Variants in SNX9 observed in about 807,000 individuals in gnomAD.
SNX9 encodes sorting nexin-9.
A neutral mutation model predicts 89.4 loss-of-function variants in SNX9; 44 were observed. That is an observed-to-expected ratio of 0.49 (90% CI 0.39 to 0.63). SNX9 has a LOEUF of 0.63. Among genes scored for constraint, SNX9 ranks in the 30% least tolerant of loss-of-function variants. The pLI, the probability that SNX9 is intolerant of heterozygous loss-of-function variation, is 0.00. For synonymous variants in SNX9, 236 were observed against 247.8 expected (o/e 0.95, Z 0.45); for missense variants, 578 against 736.1 (o/e 0.79, Z 2.49).
chr6:157,900,493 A>G (rs749294581), intron 5 of SNX9, among the ~76,000 whole-genome samples: 9 of 152,160 alleles, frequency 5.9e-5, no homozygotes, highest in Non-Finnish European at 1.0e-4. Context: ...AATAATAGAC[A>G]CACACAAGAT....
chr6:157,873,688 AT>A (rs1782464501), intron 3 of SNX9, among the ~76,000 whole-genome samples: 4 of 151,396 alleles, frequency 2.6e-5, no homozygotes. Context: ...CTTTGCTGAT[AT>A]TGCTGCCATC....
Position 157,929,315 on chromosome 6 carries a change from A to G in SNX9, c.1288+613A>G, listed in dbSNP as rs115084502. ...ACCACACATGTGGCCCAGGATAGAA[A>G]AATAGTCCCGTATCCAGCTGTAGGG... is the stretch of plus-strand genomic sequence containing the variant. On this transcript the variant is annotated intron_variant, in intron 12 of 17. Coordinates refer to ENST00000392185, the MANE Select transcript of SNX9 (RefSeq NM_016224.5). Among the ~76,000 whole-genome samples the G allele has an allele frequency of 3.2e-4, 48 of 152,316 alleles. 1 individual carries two copies. Among genetic ancestry groups the G allele is most frequent in the African/African-American group, 1.1e-3 (46 of 41,558 alleles).
In SNX9 at chr6:157,873,193, A is replaced by G; in HGVS notation, c.174+17A>G. 2 of 1,565,544 alleles carry G rather than the reference A, an allele frequency of 1.3e-6. No homozygotes were observed. The highest frequency in any genetic ancestry group is 1.7e-6 in the Non-Finnish European group (2 of 1,154,088). On this transcript the variant is annotated intron_variant, in intron 3 of 17. Coordinates refer to ENST00000392185, the MANE Select transcript of SNX9 (RefSeq NM_016224.5). ...TACGTTGAAGTAAGAGCTTCCTGTC[A>G]TTCATTCATTAGAGCTCATCTTTGC... is the stretch of plus-strand genomic sequence containing the variant.
At chr6:157,862,089 A>G (rs1367333279) in intron 1 of SNX9, among the ~76,000 whole-genome samples, 1 of 152,198 alleles carries the variant, frequency 6.6e-6, no homozygotes, top group Admixed American at 6.5e-5. Flanking sequence ...TAAATTGTTT[A>G]TTTCTGGAAT....
chr6:157,928,793 C>T (rs1783748811), intron 12 of SNX9, 91 bp downstream of exon 12: 15 of 964,220 alleles, frequency 1.6e-5, no homozygotes, highest in South Asian at 3.7e-5. Context: ...CCTGCTGCCT[C>T]GAACAGAAGT....
At chr6:157,851,168 G>C (rs1041378659) in intron 1 of SNX9, among the ~76,000 whole-genome samples, 28 of 151,438 alleles carry the variant, frequency 1.8e-4, no homozygotes, top group African/African-American at 6.5e-4. Context: ...TGAGGCAGGA[G>C]AATTGCCTGA....
In SNX9 at chr6:157,890,982, A is replaced by G. The variant is rs115936059; in HGVS notation, c.301-5845A>G. Among the ~76,000 whole-genome samples the G allele has an allele frequency of 4.4e-3, 667 of 150,502 alleles. 6 individuals are homozygous for G. The highest frequency in any genetic ancestry group is 0.016 in the African/African-American group (636 of 40,912). On this transcript the variant is annotated intron_variant, in intron 4 of 17. Transcript: ENST00000392185. ...TTCAGAACTCAGACACTGTTATTTTAAGGGTACTCATAGTGTCACATGCTA... is the reference window on the plus strand; with the variant it reads ...TTCAGAACTCAGACACTGTTATTTTGAGGGTACTCATAGTGTCACATGCTA...
intron 1 of SNX9, among the ~76,000 whole-genome samples, chr6:157,837,166 A>G (rs1199424710): frequency 6.6e-6 from 1 of 152,226 alleles, no homozygotes; most frequent in East Asian, 1.9e-4. Context: ...CTCAGAAGCT[A>G]TTTAGTTTCT....
At chr6:157,878,785 A>C (rs745829311) in intron 4 of SNX9, among the ~76,000 whole-genome samples, 25 of 152,350 alleles carry the variant, frequency 1.6e-4, no homozygotes, top group Admixed American at 3.3e-4. Context: ...GTAAACAAGT[A>C]ATATTAAATT....
chr6:157,936,038 C>G lies in SNX9; in HGVS notation c.1441C>G (p.Gln481Glu). 1.2e-6 allele frequency: 2 copies of G among 1,608,088 alleles called. No homozygotes were observed. Among genetic ancestry groups the G allele is most frequent in the East Asian group, 2.2e-5 (1 of 44,766 alleles). Residue 481 changes from glutamine (Q) to glutamate (E), a missense_variant and splice_region_variant, in exon 14 of 18, where the codon CAG becomes GAG. This residue lies in a region of SNX9 where 348 missense variants were observed against 491.4 expected (regional missense o/e 0.71). Coordinates refer to ENST00000392185, the MANE Select transcript of SNX9 (RefSeq NM_016224.5). The part of the protein sequence containing the change: ...YEEIASLVAE[Q>E]PKKDLHFLME... ...AGAAATTGCCAGTCTCGTGGCAGAA[C>G]AGGTACTAACATAATCACACAATTC...
chr6:157,823,352 T>C lies in SNX9; in HGVS notation c.-83T>C. The C allele has an allele frequency of 1.6e-6, 2 of 1,224,576 alleles. No individual in the cohort carries two copies. Among genetic ancestry groups the C allele is most frequent in the Non-Finnish European group, 2.1e-6 (2 of 968,662 alleles). The allele number at this position is 1,224,576 out of a possible 1,614,324, so 75.9% of individuals were successfully genotyped here. On this transcript the variant is annotated 5_prime_UTR_variant, in exon 1 of 18. Coordinates refer to ENST00000392185, the MANE Select transcript of SNX9 (RefSeq NM_016224.5). This position sits in a 1 kb window ranked among gnomAD's most constrained non-coding sequence, Gnocchi z 4.6. ...CCAGCCGGAGCCGCCGCCCTCGCCCTTGCCTTTGCCTGCGCGGCTCAGAAT... is the reference window on the plus strand; with the variant it reads ...CCAGCCGGAGCCGCCGCCCTCGCCCCTGCCTTTGCCTGCGCGGCTCAGAAT...
intron 10 of SNX9, among the ~76,000 whole-genome samples, chr6:157,922,287 T>G (rs1216564946): frequency 2.6e-5 from 4 of 152,256 alleles, no homozygotes; most frequent in Admixed American, 6.5e-5. Context: ...AAGCATTTAC[T>G]GTACTCCTTA....
rs533517594 is a variant in SNX9 at position 157,888,470 on chromosome 6, T to A, written c.301-8357T>A. Among the ~76,000 whole-genome samples the A allele has an allele frequency of 2.6e-5, 4 of 152,124 alleles. No individual in the cohort carries two copies. In the South Asian group the frequency reaches 6.2e-4, roughly 24 times the overall value. On this transcript the variant is annotated intron_variant, in intron 4 of 17. Transcript: ENST00000392185. Reference sequence around the variant, plus strand: ...TTTGTGAGTGAGTGGCATGCTAGAGTTTTCTGGAGAATTTGGTCCTGCCAT... The same window carrying A: ...TTTGTGAGTGAGTGGCATGCTAGAGATTTCTGGAGAATTTGGTCCTGCCAT...
At chr6:157,856,863 G>A (rs966255260) in intron 1 of SNX9, among the ~76,000 whole-genome samples, 1 of 151,800 alleles carries the variant, frequency 6.6e-6, no homozygotes, top group Admixed American at 6.6e-5. Flanking sequence ...CCATCAGAAG[G>A]CAAGTAATGT....
intron 1 of SNX9, among the ~76,000 whole-genome samples, chr6:157,844,584 CTTGTTTTTTTTTT>C (rs1283989611): frequency 2.2e-5 from 3 of 138,642 alleles, no homozygotes; most frequent in South Asian, 2.3e-4. Flanking sequence ...GTGGCTAATC[CTTGTTTTTTTTTT>C]TTGTTTTTTT....
chr6:157,883,526 GA>G (rs1280876121), intron 4 of SNX9, among the ~76,000 whole-genome samples: 1 of 152,204 alleles, frequency 6.6e-6, no homozygotes, highest in Non-Finnish European at 1.5e-5. Flanking sequence ...GGAAACTGTA[GA>G]AGAAATTCAT....
At chr6:157,840,949 C>T (rs564126552) in intron 1 of SNX9, among the ~76,000 whole-genome samples, 1 of 152,164 alleles carries the variant, frequency 6.6e-6, no homozygotes, top group South Asian at 2.1e-4. Context: ...AAAGTACTTG[C>T]AGACTGCTGG....
At chr6:157,852,571 G>A (rs1302995187) in intron 1 of SNX9, among the ~76,000 whole-genome samples, 1 of 148,816 alleles carries the variant, frequency 6.7e-6, no homozygotes, top group Non-Finnish European at 1.5e-5. Flanking sequence ...CCTGTCCTAT[G>A]TGCTACTTTT....
At chr6:157,845,275 AT>A (rs1312833249) in intron 1 of SNX9, among the ~76,000 whole-genome samples, 1 of 151,390 alleles carries the variant, frequency 6.6e-6, no homozygotes, top group African/African-American at 2.4e-5. Flanking sequence ...TGCCCAGCTA[AT>A]TTTTTTTGTA....
Sources: allele counts gnomAD v4.1 joint callset (sites outside exome capture counted in the v4.1 genomes callset), GRCh38; gene constraint gnomAD v4.1.1; regional missense constraint gnomAD v4.1.1; non-coding constraint Gnocchi (gnomAD v3.1); transcripts MANE v1.5; gene names NCBI Gene and HGNC (gene_info 2026-07-23, HGNC 2026-07-21).